The following OTOGL variants were observed in gnomAD, a reference collection of about 807,000 sequenced individuals.
OTOGL encodes otogelin like, also known as otogelin-like protein.
In OTOGL, 285 loss-of-function variants were observed where a neutral mutation model predicts 318.5. The observed-to-expected ratio is 0.89, with a 90% CI of 0.81 to 0.99. The LOEUF (loss-of-function observed/expected upper bound fraction) is 0.99. Among genes scored for constraint, OTOGL ranks in the 50% least tolerant of loss-of-function variants. OTOGL has a pLI of 0.00. For synonymous variants in OTOGL, 987 were observed against 936.5 expected, an observed-to-expected ratio of 1.05 and a Z score of -0.99; for missense variants, 2,899 against 2,845.6, an observed-to-expected ratio of 1.02 and a Z score of -0.43.
rs137886350 is a variant in OTOGL, at chr12:80,209,252, A to C, written c.-19-161A>C. On this transcript the variant is annotated intron_variant, in intron 1 of 58. Transcript: ENST00000547103. ...AGACTCAGCCAAAGGGTTGTCTGCA[A>C]GTTCTAAAGCTTCAGATGCTGTATG... Among the ~76,000 whole-genome samples, 366 of 152,280 alleles carry C rather than the reference A, an allele frequency of 2.4e-3. 1 individual carries two copies. The highest frequency in any genetic ancestry group is 8.6e-3 in the African/African-American group (357 of 41,574).
At position 80,261,845 on chromosome 12, in the gene OTOGL, A is replaced by C. The variant is rs987196960; in HGVS notation, c.1890-124A>C. ...TTGTACTTTTTTTTAAACTGGTAGA[A>C]AATTTCAAGCTGTAAGATTTCCTTG... is the stretch of plus-strand genomic sequence containing the variant. On this transcript the variant is annotated intron_variant, in intron 18 of 58. Transcript: ENST00000547103. The C allele has an allele frequency of 3.3e-6, 4 of 1,205,350 alleles. No individual in the cohort carries two copies. In the Admixed American group the frequency reaches 1.3e-4, roughly 39 times the overall value. The allele number at this position is 1,205,350 out of a possible 1,614,324, so 74.7% of individuals were successfully genotyped here. A position where few individuals can be genotyped will look rare whatever the true frequency, so the allele number is the denominator to read the frequency against.
intron 12 of OTOGL, 34 bp downstream of exon 12, chr12:80,251,833 T>G: frequency 6.6e-7 from 1 of 1,523,716 alleles, no homozygotes; most frequent in Middle Eastern, 1.7e-4. Flanking sequence ...CCTGTGTACT[T>G]TTGCCAATTT....
intron 1 of OTOGL, among the ~76,000 whole-genome samples, chr12:80,106,655 C>G (rs1215016403): frequency 2.6e-5 from 4 of 152,136 alleles, no homozygotes; most frequent in Non-Finnish European, 5.9e-5. Flanking sequence ...AATCCTATAT[C>G]CTTTGCCTTA....
At position 80,370,624 on chromosome 12, in the gene OTOGL, G is replaced by A; in HGVS notation, c.6670G>A (p.Glu2224Lys). The change falls in exon 56 of 59, where the codon GAA becomes AAA. Residue 2224 changes from glutamate to lysine, a missense_variant. Glu to Lys is a moderately conservative substitution (Grantham distance 56). Coordinates refer to ENST00000547103, the MANE Select transcript of OTOGL (RefSeq NM_001378609.3). ...CTTYECVKTD[E>K]GAIILNYTMV... is the part of the protein sequence containing the mutation. Reference sequence around the variant, plus strand: ...CACATATGAATGTGTTAAAACTGATGAAGGAGCAATAATTCTGAACTACAC... The same window carrying A: ...CACATATGAATGTGTTAAAACTGATAAAGGAGCAATAATTCTGAACTACAC... 1 of 1,590,572 alleles carries A rather than the reference G, an allele frequency of 6.3e-7. No individual in the cohort carries two copies. The highest frequency in any genetic ancestry group is 8.6e-7 in the Non-Finnish European group (1 of 1,165,282).
intron 1 of OTOGL, among the ~76,000 whole-genome samples, chr12:80,124,308 T>G (rs1205505785): frequency 6.6e-6 from 1 of 152,208 alleles, no homozygotes; most frequent in African/African-American, 2.4e-5. Context: ...CTTTCCCCAT[T>G]GCTTGTTTTT....
chr12:80,336,680 G>A (rs998776585), intron 40 of OTOGL, 117 bp from the exon 41 acceptor site: 1 of 1,408,400 alleles, frequency 7.1e-7, no homozygotes, highest in East Asian at 2.3e-5. Context: ...TTCTGATAAT[G>A]TTTCAGAAAC....
intron 1 of OTOGL, among the ~76,000 whole-genome samples, chr12:80,124,859 G>T (rs1870715377): frequency 6.6e-6 from 1 of 152,174 alleles, no homozygotes; most frequent in African/African-American, 2.4e-5. Flanking sequence ...TGGTGTATAA[G>T]AATGCTTGTG....
At chr12:80,377,235 GCACACA>G in intron 58 of OTOGL, 33 bp downstream of exon 58, 1 of 1,496,748 alleles carries the variant, frequency 6.7e-7, no homozygotes, top group Non-Finnish European at 9.2e-7. Context: ...CTACATAAAT[GCACACA>G]TCTTTTTAGA....
chr12:80,162,424 A>G (rs1309819628), intron 1 of OTOGL, among the ~76,000 whole-genome samples: 1 of 152,156 alleles, frequency 6.6e-6, no homozygotes, highest in Non-Finnish European at 1.5e-5. Context: ...ATAAGTATAC[A>G]CAAGGACACC....
At chr12:80,316,191 A>G (rs755215950) in intron 32 of OTOGL, among the ~76,000 whole-genome samples, 3 of 152,328 alleles carry the variant, frequency 2.0e-5, no homozygotes, top group South Asian at 2.1e-4. Context: ...CCTCCATGCT[A>G]CGTGGCCTAC....
At chr12:80,296,742 A>C (rs1464624527) in intron 26 of OTOGL, 85 bp from the exon 27 acceptor site, 3 of 1,056,620 alleles carry the variant, frequency 2.8e-6, no homozygotes, top group Non-Finnish European at 3.7e-6. Context: ...ATCCATTGTC[A>C]ATATTTAAGA....
At chr12:80,360,784 C>G (rs962645025) in intron 52 of OTOGL, among the ~76,000 whole-genome samples, 6 of 152,006 alleles carry the variant, frequency 3.9e-5, no homozygotes, top group Non-Finnish European at 7.4e-5. Flanking sequence ...CTGGCTGGGA[C>G]ACACAGGTTT....
chr12:80,354,635 G>T (rs937388711), intron 46 of OTOGL, among the ~76,000 whole-genome samples: 3 of 152,102 alleles, frequency 2.0e-5, no homozygotes, highest in African/African-American at 7.2e-5. Flanking sequence ...AAGGCAAGGA[G>T]AAGTGAAATG....
intron 26 of OTOGL, among the ~76,000 whole-genome samples, chr12:80,281,719 T>G (rs933125563): frequency 6.6e-6 from 1 of 151,838 alleles, no homozygotes; most frequent in African/African-American, 2.4e-5. Context: ...CTTTTATTAT[T>G]TATAGGTAAT....
At chr12:80,364,978 T>TTAAC (rs1204594444) in intron 52 of OTOGL, among the ~76,000 whole-genome samples, 1 of 152,130 alleles carries the variant, frequency 6.6e-6, no homozygotes, top group East Asian at 1.9e-4. Context: ...ACCCATTATA[T>TTAAC]TAACTCACTA....
At chr12:80,305,824 A>G in intron 29 of OTOGL, 129 bp downstream of exon 29, 1 of 785,358 alleles carries the variant, frequency 1.3e-6, no homozygotes, top group African/African-American at 1.8e-5. Flanking sequence ...TAGCTGATAA[A>G]CATTCATATT....
At position 80,251,803 on chromosome 12, in the gene OTOGL, T is replaced by A; in HGVS notation, c.1159+4T>A. The A allele has an allele frequency of 2.6e-6, 4 of 1,559,956 alleles. No homozygotes were observed. The highest frequency in any genetic ancestry group is 3.5e-6 in the Non-Finnish European group (4 of 1,149,970). On this transcript the variant is annotated splice_donor_region_variant and intron_variant, in intron 12 of 58. Transcript: ENST00000547103. ...AGAGATGACTTTCCAGCATGCAGTA[T>A]GTTTTTTTATTTTCCAAGCCCTGTG...
At chr12:80,239,951 G>T (rs1880230301) in intron 11 of OTOGL, among the ~76,000 whole-genome samples, 1 of 151,934 alleles carries the variant, frequency 6.6e-6, no homozygotes, top group Non-Finnish European at 1.5e-5. Flanking sequence ...CACTGTTTTA[G>T]TTCCCACATA....
intron 1 of OTOGL, among the ~76,000 whole-genome samples, chr12:80,145,376 G>T (rs572099869): frequency 6.6e-6 from 1 of 151,980 alleles, no homozygotes; most frequent in Non-Finnish European, 1.5e-5. Context: ...GTAGATATGC[G>T]GCGTTATTTC....
Sources: allele counts gnomAD v4.1 joint callset (sites outside exome capture counted in the v4.1 genomes callset), GRCh38; gene constraint gnomAD v4.1.1; transcripts MANE v1.5; gene names NCBI Gene and HGNC (gene_info 2026-07-23, HGNC 2026-07-21).